The following ALPK1 variants were observed in gnomAD, a reference collection of about 807,000 sequenced individuals.
The protein encoded by ALPK1 is alpha-protein kinase 1.
In ALPK1, 110 loss-of-function variants were observed where a neutral mutation model predicts 120.6. The observed-to-expected ratio is 0.91, with a 90% CI of 0.78 to 1.07. ALPK1 has a LOEUF of 1.07. ALPK1 is among the 50% of genes least tolerant of loss of function. The probability of loss-of-function intolerance (pLI) is 0.00; values close to 1 mark genes in which losing one functional copy is unlikely to be tolerated. For synonymous variants in ALPK1, 582 were observed against 560.3 expected, an observed-to-expected ratio of 1.04 and a Z score of -0.55; for missense variants, 1,498 against 1,483.9, an observed-to-expected ratio of 1.01 and a Z score of -0.16.
rs1735048777 is a variant in ALPK1 at position 112,441,739 on chromosome 4, C to A, written c.*529C>A. ...TTTGGTTATGTATAATACTTAGATC[C>A]TCCTTATACTCTGAGTTTCTTTCTT... On this transcript the variant is annotated 3_prime_UTR_variant, in exon 16 of 16. Coordinates refer to ENST00000650871, the MANE Select transcript of ALPK1 (RefSeq NM_025144.4). 1 of 152,522 alleles carries A rather than the reference C, an allele frequency of 6.6e-6. No homozygotes were observed. Among genetic ancestry groups the A allele is most frequent in the African/African-American group, 2.4e-5 (1 of 41,412 alleles). 9.4% of individuals were successfully genotyped at this position (152,522 alleles called of 1,614,324 possible).
chr4:112,352,565 A>T (rs1013607757), intron 2 of ALPK1: 2 of 152,208 alleles, frequency 1.3e-5, no homozygotes, highest in African/African-American at 4.8e-5. Context: ...TACTTGTAAT[A>T]CCTAATACAA....
intron 11 of ALPK1, among the ~76,000 whole-genome samples, chr4:112,433,184 A>G (rs1343962110): frequency 6.6e-6 from 1 of 152,174 alleles, no homozygotes; most frequent in Non-Finnish European, 1.5e-5. Context: ...TCTTGTATTC[A>G]TGATTCTGTA....
At position 112,359,681 on chromosome 4, in the gene ALPK1, G is replaced by A. The variant is rs533776146; in HGVS notation, c.-100-17997G>A. On this transcript the variant is annotated intron_variant, in intron 2 of 15. Coordinates refer to ENST00000650871, the MANE Select transcript of ALPK1 (RefSeq NM_025144.4). The stretch of plus-strand genomic sequence containing the variant: ...CAGGGGCCTTGGGGGAGGATGGTGC[G>A]GCTGCAGGGCGAAGCCAGTCCCCTG... 1.3e-4 allele frequency: 30 copies of A among 235,944 alleles called. 1 individual carries two copies. In the South Asian group the frequency reaches 1.3e-3, roughly 10 times the overall value. The allele number at this position is 235,944 out of a possible 1,614,324, so 14.6% of individuals were successfully genotyped here. A position where few individuals can be genotyped will look rare whatever the true frequency, so the allele number is the denominator to read the frequency against.
chr4:112,428,694 A>G (rs1480208177), intron 9 of ALPK1, among the ~76,000 whole-genome samples: 1 of 152,048 alleles, frequency 6.6e-6, no homozygotes, highest in Non-Finnish European at 1.5e-5. Context: ...CTCCCCCACA[A>G]CAGAAAGTAA....
Position 112,411,856 on chromosome 4 carries a change from G to A in ALPK1, c.306G>A (p.Arg102=), listed in dbSNP as rs1201639364. 1 of 1,613,378 alleles carries A rather than the reference G, an allele frequency of 6.2e-7. No homozygotes were observed. The highest frequency in any genetic ancestry group is 8.5e-7 in the Non-Finnish European group (1 of 1,179,838). ...CCCTGAGGGCCTCCATCCTCGCTCG[G>A]GACTGTGCGGCTGCGGCGGCTATTG... is the stretch of plus-strand genomic sequence containing the variant. ...LASLRASILA[R]DCAAAAAIVF... is the part of the protein sequence containing the mutation. Residue 102 remains arginine (R), a synonymous_variant, in exon 5 of 16, where the codon CGG becomes CGA. Transcript: ENST00000650871.
At chr4:112,359,838 A>G in intron 2 of ALPK1, 2 of 361,246 alleles carry the variant, frequency 5.5e-6, no homozygotes, top group South Asian at 2.3e-5. Flanking sequence ...GGAGGCCCTC[A>G]GCATGCCCAG....
rs76491480 is a variant in ALPK1 at position 112,379,825 on chromosome 4, A to T, written c.121+1927A>T. 3.4e-3 allele frequency among the ~76,000 whole-genome samples: 521 copies of T among 152,316 alleles called. 5 individuals carry two copies. The highest frequency in any genetic ancestry group is 0.012 in the African/African-American group (497 of 41,564). On this transcript the variant is annotated intron_variant, in intron 3 of 15. Transcript: ENST00000650871. ...GAACTGAAATCCAGAGATACATTTT[A>T]AAAACATAGTTAAGAGGCATATTTT...
chr4:112,300,682 A>G (rs1234855037), intron 1 of ALPK1, among the ~76,000 whole-genome samples: 1 of 151,752 alleles, frequency 6.6e-6, no homozygotes, highest in African/African-American at 2.4e-5. Flanking sequence ...TCAGTCTAAT[A>G]ATTCTTTTGG....
chr4:112,385,821 AT>A (rs1260872725), intron 4 of ALPK1, among the ~76,000 whole-genome samples: 1 of 152,204 alleles, frequency 6.6e-6, no homozygotes, highest in Non-Finnish European at 1.5e-5. Flanking sequence ...CATGTAAAAA[AT>A]ATTTAAAGAT....
At chr4:112,390,196 C>T (rs1014334988) in intron 4 of ALPK1, among the ~76,000 whole-genome samples, 31 of 152,228 alleles carry the variant, frequency 2.0e-4, no homozygotes, top group Non-Finnish European at 8.8e-5. Flanking sequence ...ATCTCCATCT[C>T]ATGGCCTCCT....
intron 2 of ALPK1, among the ~76,000 whole-genome samples, chr4:112,334,814 G>GA (rs1160043387): frequency 2.0e-5 from 3 of 151,962 alleles, no homozygotes; most frequent in African/African-American, 4.8e-5. Context: ...AGCTGGATGA[G>GA]AAAAAAAATC....
intron 2 of ALPK1, among the ~76,000 whole-genome samples, chr4:112,331,701 A>G (rs1055863363): frequency 6.6e-6 from 1 of 152,234 alleles, no homozygotes; most frequent in Non-Finnish European, 1.5e-5. Context: ...TACACTGTAT[A>G]TGTGGGTCTA....
At chr4:112,417,364 T>C (rs960937432) in intron 5 of ALPK1, among the ~76,000 whole-genome samples, 2 of 152,216 alleles carry the variant, frequency 1.3e-5, no homozygotes, top group African/African-American at 4.8e-5. Flanking sequence ...ATATCACTTA[T>C]ATAATTAATA....
chr4:112,358,985 G>T, intron 2 of ALPK1: 1 of 767,936 alleles, frequency 1.3e-6, no homozygotes, highest in East Asian at 2.4e-5. Context: ...AGTTTGAGGA[G>T]GTCTGTATAC....
intron 3 of ALPK1, among the ~76,000 whole-genome samples, chr4:112,378,758 A>G (rs1377328164): frequency 2.0e-5 from 3 of 152,156 alleles, no homozygotes; most frequent in Non-Finnish European, 4.4e-5. Context: ...GCTGTTGTTC[A>G]TTATGTAATG....
intron 4 of ALPK1, among the ~76,000 whole-genome samples, chr4:112,411,453 G>C (rs1374584063): frequency 6.6e-6 from 1 of 151,260 alleles, no homozygotes; most frequent in Non-Finnish European, 1.5e-5. Flanking sequence ...TCAAAATCCA[G>C]GCCTCAAGAG....
intron 2 of ALPK1, among the ~76,000 whole-genome samples, chr4:112,353,789 A>T (rs1730472938): frequency 6.6e-6 from 1 of 152,066 alleles, no homozygotes; most frequent in Admixed American, 6.6e-5. Context: ...GAATTGCTTG[A>T]ACCTAGGAGG....
intron 4 of ALPK1, among the ~76,000 whole-genome samples, chr4:112,398,117 C>A (rs555189684): frequency 3.9e-5 from 6 of 152,154 alleles, no homozygotes; most frequent in Admixed American, 1.3e-4. Flanking sequence ...ATGCGGATAT[C>A]TGAGGGCAGA....
chr4:112,371,296 T>A (rs534631084), intron 2 of ALPK1, among the ~76,000 whole-genome samples: 1 of 152,328 alleles, frequency 6.6e-6, no homozygotes, highest in East Asian at 1.9e-4. Flanking sequence ...CAAATGCACA[T>A]CTGACCCTGG....
Sources: gnomAD v4.1 joint callset for allele counts (sites outside exome capture counted in the v4.1 genomes callset) on GRCh38, gnomAD v4.1.1 for gene constraint, MANE v1.5 for transcripts, NCBI Gene and HGNC (gene_info 2026-07-23, HGNC 2026-07-21) for gene names.